CHD9: variants seen among roughly 807,000 people sequenced by gnomAD.
CHD9 encodes the protein ATP-dependent chromatin remodeler CHD9.
Under a neutral mutation model 316.1 loss-of-function variants are expected in CHD9, and 77 were observed. The observed-to-expected ratio is 0.24, with a 90% CI of 0.20 to 0.29. CHD9 has a LOEUF of 0.29. Among genes scored for constraint, CHD9 ranks in the 10% least tolerant of loss-of-function variants. The probability of loss-of-function intolerance (pLI) is 1.00; values close to 1 mark genes in which losing one functional copy is unlikely to be tolerated. For missense variants in CHD9, 2,763 were observed against 3,438.1 expected (o/e 0.80, Z 4.91); for synonymous variants, 1,129 against 1,158.3 (o/e 0.97, Z 0.51).
chr16:53,230,458 T>G (rs1270091240), intron 8 of CHD9, among the ~76,000 whole-genome samples: 1 of 152,112 alleles, frequency 6.6e-6, no homozygotes, highest in Non-Finnish European at 1.5e-5. Flanking sequence ...CATCTCTATT[T>G]TTTTTAAAAA....
At chr16:53,147,263 T>C (rs970573435) in intron 1 of CHD9, among the ~76,000 whole-genome samples, 66 of 152,172 alleles carry the variant, frequency 4.3e-4, no homozygotes, top group African/African-American at 1.6e-3. Context: ...GAAAACTTAC[T>C]GTAATGAAGG....
chr16:53,321,160 C>T, intron 37 of CHD9: 1 of 1,125,432 alleles, frequency 8.9e-7, no homozygotes, highest in Non-Finnish European at 1.2e-6. Context: ...CCCCATTTTA[C>T]AGATCAGAAA....
intron 19 of CHD9, among the ~76,000 whole-genome samples, chr16:53,256,574 C>T (rs1277756180): frequency 1.3e-5 from 2 of 150,080 alleles, no homozygotes; most frequent in African/African-American, 2.4e-5. Context: ...CCACCCGCCT[C>T]GGCCTCCCAA....
chr16:53,130,723 C>T (rs1286108885), intron 1 of CHD9, among the ~76,000 whole-genome samples: 2 of 151,924 alleles, frequency 1.3e-5, no homozygotes, highest in East Asian at 3.9e-4. Context: ...CTCGCACCGC[C>T]CTCCGCCCTG....
rs1025147408 is a variant in CHD9, at chr16:53,231,886, A to G, written c.2511+102A>G. On this transcript the variant is annotated intron_variant, in intron 10 of 38. Transcript: ENST00000447540. ...TAATGTTTTACTTTCATTTCTTTTAAACAGGCTTGTTACTATGTGAGTCTA... is the reference window on the plus strand; with the variant it reads ...TAATGTTTTACTTTCATTTCTTTTAGACAGGCTTGTTACTATGTGAGTCTA... The G allele has an allele frequency of 6.8e-5, 78 of 1,140,444 alleles. No individual in the cohort carries two copies. The Admixed American group carries it at 1.0e-3, about 15-fold the overall frequency. 70.6% of individuals were successfully genotyped at this position (1,140,444 alleles called of 1,614,324 possible). A position where few individuals can be genotyped will look rare whatever the true frequency, so the allele number is the denominator to read the frequency against.
Position 53,304,485 on chromosome 16 carries a change from G to T in CHD9, c.6479G>T (p.Arg2160Leu). The change falls in exon 31 of 39, where the codon CGA (arginine) becomes CTA (leucine). Residue 2160 changes from arginine to leucine, a missense_variant. Coordinates refer to ENST00000447540, the MANE Select transcript of CHD9 (RefSeq NM_001308319.2). ...SSSSSSCSHS[R>L]SGSSSSSSSS... ...TCATCCTCTTCTTGCTCCCACTCTC[G>T]ATCAGGCTCTAGTTCTTCTTCATCT... The T allele has an allele frequency of 6.4e-7, 1 of 1,556,602 alleles. No homozygotes were observed. The highest frequency in any genetic ancestry group is 2.4e-5 in the East Asian group (1 of 41,234).
In CHD9 at chr16:53,214,144, G is replaced by A. The variant is rs148440830; in HGVS notation, c.1784+4331G>A. Among the ~76,000 whole-genome samples, 853 of 152,120 alleles carry A rather than the reference G, an allele frequency of 5.6e-3. 7 individuals are homozygous for A. Among genetic ancestry groups the A allele is most frequent in the African/African-American group, 0.02 (811 of 41,518 alleles). ...GAGGAAAATAACATTTGTTAATTAC[G>A]TGCTATCATATATATGTACATACAT... On this transcript the variant is annotated intron_variant, in intron 3 of 38. Coordinates refer to ENST00000447540, the MANE Select transcript of CHD9 (RefSeq NM_001308319.2).
chr16:53,113,356 T>C (rs2038013743), intron 1 of CHD9, among the ~76,000 whole-genome samples: 2 of 148,802 alleles, frequency 1.3e-5, no homozygotes, highest in South Asian at 4.2e-4. Context: ...TTTACAAGAA[T>C]CTTGGCACTT....
chr16:53,266,202 T>A (rs2051673554), intron 20 of CHD9, among the ~76,000 whole-genome samples: 1 of 152,036 alleles, frequency 6.6e-6, no homozygotes, highest in African/African-American at 2.4e-5. Context: ...AAAGTATATC[T>A]TCCAAAATAC....
At chr16:53,300,352 C>CA (rs370852779) in intron 30 of CHD9, among the ~76,000 whole-genome samples, 5,335 of 131,224 alleles carry the variant, frequency 0.041, 99 homozygotes, top group Middle Eastern at 0.1. Flanking sequence ...GACTCCGTCT[C>CA]AAAAAAAAAA....
intron 5 of CHD9, 35 bp from the exon 6 acceptor site, chr16:53,227,361 G>A (rs1486946818): frequency 1.4e-6 from 2 of 1,383,862 alleles, no homozygotes; most frequent in African/African-American, 1.4e-5. Context: ...CTTTCAGAAT[G>A]TGTTCTGTCA....
rs1348877056 is a variant in CHD9, at chr16:53,198,374, A to G, written c.1453-11108A>G. On this transcript the variant is annotated intron_variant, in intron 2 of 38. Coordinates refer to ENST00000447540, the MANE Select transcript of CHD9 (RefSeq NM_001308319.2). ...TCGCTCTATCGCCAGGCTAGAGTAC[A>G]GTGGCGTAGTGGTGCGATCTTGGCT... Among the ~76,000 whole-genome samples, 4 of 146,258 alleles carry G rather than the reference A, an allele frequency of 2.7e-5. No homozygotes were observed. In the East Asian group the frequency reaches 8.1e-4, roughly 30 times the overall value.
At chr16:53,224,476 G>A (rs1389860369) in intron 4 of CHD9, among the ~76,000 whole-genome samples, 1 of 152,116 alleles carries the variant, frequency 6.6e-6, no homozygotes, top group Non-Finnish European at 1.5e-5. Flanking sequence ...CAAAGTCTTT[G>A]TAGGATGAGG....
rs199554660 is a variant in CHD9, at chr16:53,238,538, T to C, written c.2829T>C (p.Ile943=). The C allele has an allele frequency of 6.7e-5, 108 of 1,613,204 alleles. No individual in the cohort carries two copies. Among genetic ancestry groups the C allele is most frequent in the Non-Finnish European group, 8.1e-5 (96 of 1,179,310 alleles). ...TTGTGGTTTATCATGGGAGCCTGAT[T>C]AGCAGACAAATGATACAGCAATACG... ...INVVVYHGSL[I]SRQMIQQYEM... Residue 943 remains isoleucine, a synonymous_variant, in exon 12 of 39, where the codon ATT becomes ATC. Transcript: ENST00000447540.
chr16:53,260,925 A>G (rs1415106594), intron 19 of CHD9, among the ~76,000 whole-genome samples: 1 of 152,166 alleles, frequency 6.6e-6, no homozygotes, highest in Non-Finnish European at 1.5e-5. Flanking sequence ...TCCTTAACTT[A>G]ATCATATCTG....
intron 2 of CHD9, among the ~76,000 whole-genome samples, chr16:53,175,535 T>C (rs1455284790): frequency 6.6e-6 from 1 of 152,238 alleles, no homozygotes; most frequent in African/African-American, 2.4e-5. Context: ...ATCTTGGCCC[T>C]AATCGGAAGA....
At chr16:53,130,779 C>G (rs1472777024) in intron 1 of CHD9, 4 of 151,848 alleles carry the variant, frequency 2.6e-5, no homozygotes, top group Non-Finnish European at 5.9e-5. Flanking sequence ...AGGGGACGCT[C>G]CCTCTTAGGC....
chr16:53,061,430 A>G (rs1567300478), intron 1 of CHD9, among the ~76,000 whole-genome samples: 1 of 152,220 alleles, frequency 6.6e-6, no homozygotes. Flanking sequence ...AAGCTGTGTC[A>G]TAGTTGTAGT....
intron 2 of CHD9, among the ~76,000 whole-genome samples, chr16:53,194,297 G>A (rs1301279207): frequency 6.6e-6 from 1 of 152,098 alleles, no homozygotes; most frequent in East Asian, 1.9e-4. Context: ...AAACCCCGAG[G>A]CTGGGTGCAG....
Sources: gnomAD v4.1 joint callset for allele counts (sites outside exome capture counted in the v4.1 genomes callset) on GRCh38, gnomAD v4.1.1 for gene constraint, MANE v1.5 for transcripts, NCBI Gene and HGNC (gene_info 2026-07-23, HGNC 2026-07-21) for gene names.